The following C11orf52 variants were observed in gnomAD, a reference collection of about 807,000 sequenced individuals.
C11orf52 encodes chromosome 11 open reading frame 52, also known as uncharacterized protein C11orf52.
Under a neutral mutation model 11.7 loss-of-function variants are expected in C11orf52, and 9 were observed. The ratio of observed to expected loss-of-function variants is 0.77; its 90% confidence interval spans 0.46 to 1.34. The LOEUF (loss-of-function observed/expected upper bound fraction) is 1.34, where lower values mean the gene tolerates loss of function less well. Among genes scored for constraint, C11orf52 ranks in the 40% most tolerant of loss-of-function variants. The pLI is 0.00. For missense variants in C11orf52, 139 were observed against 154.8 expected (o/e 0.90, Z 0.54); for synonymous variants, 49 against 57.4 (o/e 0.85, Z 0.66).
intron 3 of C11orf52, 21 bp from the exon 4 acceptor site, chr11:111,925,939 A>C (rs782025291): frequency 2.5e-6 from 4 of 1,614,048 alleles, no homozygotes; most frequent in Non-Finnish European, 3.4e-6. Context: ...AATCTCCCTT[A>C]ATGCTATCCA....
In C11orf52 at chr11:111,918,980, AC is replaced by A; in HGVS notation, c.10del (p.Arg4GlyfsTer28). The A allele has an allele frequency of 6.2e-7, 1 of 1,614,054 alleles. No homozygotes were observed. The highest frequency in any genetic ancestry group is 8.5e-7 in the Non-Finnish European group (1 of 1,179,938). ...CCTTGGAGACAGAGCGCCATGGGAA[AC>A]CGGGTCTGCTGCGGAGGAAGCTGGT... is the stretch of plus-strand genomic sequence containing the variant. MGNRVCCGGSWSC... is the reference protein window; with the variant it reads MGXRVCCGGSWSC... On this transcript the variant is annotated frameshift_variant, in exon 1 of 4. Transcript: ENST00000278601. LOFTEE classifies it high-confidence loss of function.
chr11:111,926,308 C>T lies in C11orf52; in HGVS notation c.*109C>T, dbSNP rs1965808476. On this transcript the variant is annotated 3_prime_UTR_variant, in exon 4 of 4. Transcript: ENST00000278601. ...CCAGGGATGTTGTCCACGTTTTAAG[C>T]TTAAAGAACTCCAAAGCCCCTGGAA... 1.3e-6 allele frequency: 2 copies of T among 1,492,422 alleles called. No individual in the cohort carries two copies. The highest frequency in any genetic ancestry group is 5.0e-4 in the Middle Eastern group (2 of 4,020). 92.4% of individuals were successfully genotyped at this position (1,492,422 alleles called of 1,614,324 possible).
chr11:111,920,697 G>A (rs1006994474), intron 1 of C11orf52, among the ~76,000 whole-genome samples: 1 of 152,170 alleles, frequency 6.6e-6, no homozygotes, highest in Non-Finnish European at 1.5e-5. Context: ...CCTGGGGGTA[G>A]AGGCTGCAGT....
intron 1 of C11orf52, among the ~76,000 whole-genome samples, chr11:111,923,987 G>C (rs1249962336): frequency 6.6e-6 from 1 of 152,120 alleles, no homozygotes; most frequent in African/African-American, 2.4e-5. Context: ...TCATTTGACA[G>C]ATTTCCCTCA....
At position 111,925,544 on chromosome 11, in the gene C11orf52, G is replaced by C. The variant is rs1479289276; in HGVS notation, c.71-109G>C. 17 of 1,066,836 alleles carry C rather than the reference G, an allele frequency of 1.6e-5. No individual in the cohort carries two copies. The African/African-American group carries it at 1.7e-4, about 11-fold the overall frequency. 66.1% of individuals were successfully genotyped at this position (1,066,836 alleles called of 1,614,324 possible). On this transcript the variant is annotated intron_variant, in intron 2 of 3. Coordinates refer to ENST00000278601, the MANE Select transcript of C11orf52 (RefSeq NM_080659.3). The stretch of plus-strand genomic sequence containing the variant: ...TGAAAGAAGTGAGAATGGAGGCAGG[G>C]GGATTAGACAGAAGCCTGCCGTTAA...
rs782641978 is a variant in C11orf52, at chr11:111,918,930, T to C, written c.-43T>C. The C allele has an allele frequency of 8.1e-6, 13 of 1,612,036 alleles. No homozygotes were observed. The highest frequency in any genetic ancestry group is 1.3e-5 in the African/African-American group (1 of 74,904). On this transcript the variant is annotated 5_prime_UTR_variant, in exon 1 of 4. Transcript: ENST00000278601. Reference sequence around the variant, plus strand: ...AGGAACCCGGAAATGCACAAGCCTCTTGATGCATAAAAACAGCTGGGCTCC... The same window carrying C: ...AGGAACCCGGAAATGCACAAGCCTCCTGATGCATAAAAACAGCTGGGCTCC...
chr11:111,922,111 C>T (rs372599665), intron 1 of C11orf52, among the ~76,000 whole-genome samples: 1 of 152,160 alleles, frequency 6.6e-6, no homozygotes, highest in Non-Finnish European at 1.5e-5. Flanking sequence ...GCATTACAGG[C>T]GTGAGCCACC....
chr11:111,925,628 CTTAAG>C lies in C11orf52; in HGVS notation c.71-22_71-18del, dbSNP rs782091766. The stretch of plus-strand genomic sequence containing the variant: ...GTAGAGACAGGGAAGAGAGAATAAA[CTTAAG>C]TTGGATTTCTTCCCCTCAGGAAGCC... On this transcript the variant is annotated intron_variant, in intron 2 of 3. Transcript: ENST00000278601. 3.7e-6 allele frequency: 6 copies of C among 1,612,040 alleles called. No homozygotes were observed. The Admixed American group carries it at 1.0e-4, about 27-fold the overall frequency.
Position 111,918,928 on chromosome 11 carries a change from T to C in C11orf52, c.-45T>C. On this transcript the variant is annotated 5_prime_UTR_variant, in exon 1 of 4. Transcript: ENST00000278601. ...CCAGGAACCCGGAAATGCACAAGCC[T>C]CTTGATGCATAAAAACAGCTGGGCT... 6.2e-7 allele frequency: 1 copy of C among 1,611,630 alleles called. No homozygotes were observed. Among genetic ancestry groups the C allele is most frequent in the South Asian group, 1.1e-5 (1 of 90,914 alleles).
rs1305727518 is a variant in C11orf52 at position 111,926,137 on chromosome 11, G to A, written c.310G>A (p.Ala104Thr). Residue 104 changes from alanine (A) to threonine (T), a missense_variant, in exon 4 of 4, where the codon GCG becomes ACG. Physicochemically the swap from Ala to Thr is moderately conservative, Grantham distance 58. Coordinates refer to ENST00000278601, the MANE Select transcript of C11orf52 (RefSeq NM_080659.3). Reference protein sequence around the residue: ...HVHLENATEYATLRFPQATPR... With the variant: ...HVHLENATEYTTLRFPQATPR... ...GCATTTAGAAAACGCTACAGAGTATGCGACCCTTCGCTTCCCCCAGGCCAC... is the reference window on the plus strand; with the variant it reads ...GCATTTAGAAAACGCTACAGAGTATACGACCCTTCGCTTCCCCCAGGCCAC... The A allele has an allele frequency of 4.3e-6, 7 of 1,614,280 alleles. No individual in the cohort carries two copies. Among genetic ancestry groups the A allele is most frequent in the South Asian group, 1.1e-5 (1 of 91,090 alleles).
rs144473843 is a variant in C11orf52, at chr11:111,926,168, G to T, written c.341G>T (p.Arg114Leu). ...ATLRFPQATP[R>L]YDSKNGTLV ...CTTCGCTTCCCCCAGGCCACACCTC[G>T]CTATGACAGCAAGAACGGGACCCTG... Residue 114 changes from arginine to leucine, a missense_variant, in exon 4 of 4, where the codon CGC becomes CTC. Transcript: ENST00000278601. The T allele has an allele frequency of 2.5e-6, 4 of 1,614,086 alleles. No homozygotes were observed. Among genetic ancestry groups the T allele is most frequent in the Admixed American group, 3.3e-5 (2 of 60,012 alleles).
Position 111,926,341 on chromosome 11 carries a change from C to T in C11orf52, c.*142C>T. On this transcript the variant is annotated 3_prime_UTR_variant, in exon 4 of 4. Coordinates refer to ENST00000278601, the MANE Select transcript of C11orf52 (RefSeq NM_080659.3). ...ACTCCAAAGCCCCTGGAATTGTGGG[C>T]GTCCCATTTTCTCCCCTGGCCTCTT... 7.6e-7 allele frequency: 1 copy of T among 1,318,738 alleles called. No individual in the cohort carries two copies. The highest frequency in any genetic ancestry group is 1.0e-6 in the Non-Finnish European group (1 of 972,260). 81.7% of individuals were successfully genotyped at this position (1,318,738 alleles called of 1,614,324 possible). A position where few individuals can be genotyped will look rare whatever the true frequency, so the allele number is the denominator to read the frequency against.
chr11:111,924,543 T>C (rs1174434714), intron 2 of C11orf52, among the ~76,000 whole-genome samples, 180 bp downstream of exon 2: 2 of 152,210 alleles, frequency 1.3e-5, no homozygotes, highest in Non-Finnish European at 2.9e-5. Context: ...GATCTTATCC[T>C]TTCCATTATT....
chr11:111,919,499 C>G (rs1211333575), intron 1 of C11orf52, among the ~76,000 whole-genome samples: 4 of 151,982 alleles, frequency 2.6e-5, no homozygotes, highest in Admixed American at 2.6e-4. Flanking sequence ...AAAAACAGAG[C>G]CAAGCTAGCT....
Position 111,924,312 on chromosome 11 carries a change from T to C in C11orf52, c.33-14T>C. On this transcript the variant is annotated splice_polypyrimidine_tract_variant and intron_variant, in intron 1 of 3. Coordinates refer to ENST00000278601, the MANE Select transcript of C11orf52 (RefSeq NM_080659.3). ...GGGCTCTTGCACATGGGTGATCTGT[T>C]TTTCCTATTACAGGAGCTGCCCATC... 6.2e-7 allele frequency: 1 copy of C among 1,612,890 alleles called. No individual in the cohort carries two copies. The highest frequency in any genetic ancestry group is 8.5e-7 in the Non-Finnish European group (1 of 1,179,522).
At chr11:111,919,970 TGGATCACGAGGTCAGGA>T (rs1177148806) in intron 1 of C11orf52, among the ~76,000 whole-genome samples, 2 of 149,800 alleles carry the variant, frequency 1.3e-5, no homozygotes, top group African/African-American at 4.9e-5. Flanking sequence ...CCGAGGCGGG[TGGATCACGAGGTCAGGA>T]GATCGAGACC....
Position 111,925,636 on chromosome 11 carries a change from G to A in C11orf52, c.71-17G>A. On this transcript the variant is annotated splice_polypyrimidine_tract_variant and intron_variant, in intron 2 of 3. Coordinates refer to ENST00000278601, the MANE Select transcript of C11orf52 (RefSeq NM_080659.3). ...AGGGAAGAGAGAATAAACTTAAGTTGGATTTCTTCCCCTCAGGAAGCCAAA... is the reference window on the plus strand; with the variant it reads ...AGGGAAGAGAGAATAAACTTAAGTTAGATTTCTTCCCCTCAGGAAGCCAAA... The A allele has an allele frequency of 6.2e-7, 1 of 1,613,388 alleles. No individual in the cohort carries two copies. The highest frequency in any genetic ancestry group is 8.5e-7 in the Non-Finnish European group (1 of 1,179,290).
In C11orf52 at chr11:111,926,227, G is replaced by A. The variant is rs782498684; in HGVS notation, c.*28G>A. On this transcript the variant is annotated 3_prime_UTR_variant, in exon 4 of 4. Transcript: ENST00000278601. Reference sequence around the variant, plus strand: ...GCTTGGGAGGAAGGCCCAGTCCATCGTTAACCACTACACCTGTGGGGGAGA... The same window carrying A: ...GCTTGGGAGGAAGGCCCAGTCCATCATTAACCACTACACCTGTGGGGGAGA... The A allele has an allele frequency of 6.2e-6, 10 of 1,610,546 alleles. No homozygotes were observed. Among genetic ancestry groups the A allele is most frequent in the Non-Finnish European group, 8.5e-6 (10 of 1,177,904 alleles).
Position 111,925,725 on chromosome 11 carries a change from G to A in C11orf52, c.132+11G>A, listed in dbSNP as rs1555166882. The A allele has an allele frequency of 6.2e-7, 1 of 1,614,010 alleles. No homozygotes were observed. The highest frequency in any genetic ancestry group is 2.2e-5 in the East Asian group (1 of 44,884). ...CAGAATCTCCCAAAGGTAATGACAGGTCTCTGTCCCCTCTCTGGGGCTGCT... is the reference window on the plus strand; with the variant it reads ...CAGAATCTCCCAAAGGTAATGACAGATCTCTGTCCCCTCTCTGGGGCTGCT... On this transcript the variant is annotated intron_variant, in intron 3 of 3. Transcript: ENST00000278601.
Sources: gnomAD v4.1 joint callset for allele counts (sites outside exome capture counted in the v4.1 genomes callset) on GRCh38, gnomAD v4.1.1 for gene constraint, MANE v1.5 for transcripts, NCBI Gene and HGNC (gene_info 2026-07-23, HGNC 2026-07-21) for gene names.